Variants in FAM120B observed in about 807,000 individuals in gnomAD.
FAM120B encodes family with sequence similarity 120 member B.
FAM120B carries 83 observed loss-of-function variants against 96.3 expected under a neutral mutation model. That is an observed-to-expected ratio of 0.86 (90% CI 0.72 to 1.03). The LOEUF (loss-of-function observed/expected upper bound fraction) is 1.03, where lower values mean the gene tolerates loss of function less well. FAM120B is among the 50% of genes least tolerant of loss of function. The pLI is 0.00. For synonymous variants in FAM120B, 407 were observed against 402.7 expected (o/e 1.01, Z -0.13); for missense variants, 1,027 against 1,121.2 (o/e 0.92, Z 1.20).
At chr6:170,385,888 T>A (rs1790159599) in intron 6 of FAM120B, among the ~76,000 whole-genome samples, 1 of 152,198 alleles carries the variant, frequency 6.6e-6, no homozygotes, top group South Asian at 2.1e-4. Flanking sequence ...AAAAGCTGCC[T>A]ACTGTCTGAT....
At chr6:170,339,835 G>A (rs894716481) in intron 4 of FAM120B, among the ~76,000 whole-genome samples, 1 of 150,570 alleles carries the variant, frequency 6.6e-6, no homozygotes, top group Non-Finnish European at 1.5e-5. Context: ...TTTGCGGCTT[G>A]TAGGGTTTCT....
At chr6:170,320,937 T>C (rs1303984667) in intron 2 of FAM120B, among the ~76,000 whole-genome samples, 1 of 152,172 alleles carries the variant, frequency 6.6e-6, no homozygotes, top group Non-Finnish European at 1.5e-5. Context: ...GGACTAGACA[T>C]AGGGACTTGG....
At chr6:170,335,278 A>G (rs1407414276) in intron 4 of FAM120B, among the ~76,000 whole-genome samples, 1 of 149,138 alleles carries the variant, frequency 6.7e-6, no homozygotes, top group African/African-American at 2.5e-5. Flanking sequence ...TCATTGTTCA[A>G]CTCCCACTTA....
intron 6 of FAM120B, among the ~76,000 whole-genome samples, chr6:170,383,131 G>T (rs1271795903): frequency 6.7e-6 from 1 of 150,130 alleles, no homozygotes; most frequent in Non-Finnish European, 1.5e-5. Context: ...CCTTGTCTTT[G>T]GCCTCACACT....
chr6:170,310,463 A>C (rs996126761), intron 1 of FAM120B, among the ~76,000 whole-genome samples: 6 of 152,226 alleles, frequency 3.9e-5, no homozygotes, highest in Admixed American at 1.3e-4. Context: ...ACTAATCTAC[A>C]GCAGTGCTAA....
chr6:170,390,935 GCTTC>G, intron 7 of FAM120B, 74 bp from the exon 8 acceptor site: 2 of 1,180,922 alleles, frequency 1.7e-6, no homozygotes, highest in Non-Finnish European at 2.5e-6. Context: ...TGTCCCCTAA[GCTTC>G]CTTCCAGCCA....
intron 1 of FAM120B, among the ~76,000 whole-genome samples, chr6:170,298,712 A>G (rs939607112): frequency 1.3e-5 from 2 of 152,116 alleles, no homozygotes; most frequent in African/African-American, 4.8e-5. Context: ...TCTACTATTG[A>G]GACTGTTCTT....
chr6:170,319,089 C>G lies in FAM120B; in HGVS notation c.1699C>G (p.Gln567Glu). 1 of 1,581,054 alleles carries G rather than the reference C, an allele frequency of 6.3e-7. No individual in the cohort carries two copies. The highest frequency in any genetic ancestry group is 1.4e-5 in the African/African-American group (1 of 73,270). Reference sequence around the variant, plus strand: ...AAATGTGGGGCCTGAAGTAAAGCAACAAGTAACCATGGTTTCAGACACTGA... The same window carrying G: ...AAATGTGGGGCCTGAAGTAAAGCAAGAAGTAACCATGGTTTCAGACACTGA... Reference protein sequence around the residue: ...PTNVGPEVKQQVTMVSDTEIL... With the variant: ...PTNVGPEVKQEVTMVSDTEIL... The change falls in exon 2 of 11, where the codon CAA becomes GAA. Residue 567 changes from glutamine to glutamate, a missense_variant. Coordinates refer to ENST00000476287, the MANE Select transcript of FAM120B (RefSeq NM_032448.3).
intron 4 of FAM120B, chr6:170,330,933 A>T (rs1785987252): frequency 5.5e-6 from 1 of 182,806 alleles, no homozygotes; most frequent in Non-Finnish European, 1.1e-5. Context: ...TAGATTCTTG[A>T]TATTCTGCTT....
At chr6:170,319,179 A>G (rs1785134513) in intron 2 of FAM120B, 55 bp downstream of exon 2, 1 of 1,478,226 alleles carries the variant, frequency 6.8e-7, no homozygotes, top group Admixed American at 2.2e-5. Context: ...CCGCTGATGG[A>G]TTTGTTAGTG....
intron 6 of FAM120B, among the ~76,000 whole-genome samples, chr6:170,373,256 A>G (rs999524854): frequency 6.6e-6 from 1 of 152,104 alleles, no homozygotes; most frequent in African/African-American, 2.4e-5. Context: ...CTTAAACCCT[A>G]TTTCCAAAAT....
upstream of FAM120B, among the ~76,000 whole-genome samples, chr6:170,294,101 C>T (rs1008615720): frequency 6.6e-6 from 1 of 152,154 alleles, no homozygotes; most frequent in Admixed American, 6.5e-5. This position sits in a 1 kb window ranked among gnomAD's most constrained non-coding sequence, Gnocchi z 7.9. Context: ...TATACTCCCA[C>T]AACTAAGCAC....
chr6:170,292,778 C>T (rs1254686214), upstream of FAM120B, among the ~76,000 whole-genome samples: 2 of 152,218 alleles, frequency 1.3e-5, no homozygotes, highest in African/African-American at 4.8e-5. This position sits in a 1 kb window ranked among gnomAD's most constrained non-coding sequence, Gnocchi z 6.6. Flanking sequence ...TGTCCTGCTA[C>T]CTTGTTTCCC....
At chr6:170,385,729 A>G (rs1241812286) in intron 6 of FAM120B, among the ~76,000 whole-genome samples, 1 of 152,244 alleles carries the variant, frequency 6.6e-6, no homozygotes, top group Non-Finnish European at 1.5e-5. Context: ...GAAGCAGCCA[A>G]GATGTCCTTC....
At chr6:170,293,734 CCTT>C (rs1783936347), upstream of FAM120B, among the ~76,000 whole-genome samples, 1 of 151,506 alleles carries the variant, frequency 6.6e-6, no homozygotes, top group Non-Finnish European at 1.5e-5. Context: ...TCCTTCTCCT[CCTT>C]CTTCTCCTTC....
chr6:170,299,112 A>G (rs1360476235), intron 1 of FAM120B, among the ~76,000 whole-genome samples: 1 of 152,144 alleles, frequency 6.6e-6, no homozygotes, highest in Non-Finnish European at 1.5e-5. Context: ...TAGGATTGCT[A>G]TTTCCTCCTT....
At chr6:170,308,445 T>A (rs1784413043) in intron 1 of FAM120B, among the ~76,000 whole-genome samples, 1 of 152,152 alleles carries the variant, frequency 6.6e-6, no homozygotes, top group Admixed American at 6.5e-5. Context: ...TGTGGCCCAC[T>A]GAGAAAACTA....
At chr6:170,321,113 C>T (rs182115410) in intron 2 of FAM120B, among the ~76,000 whole-genome samples, 1 of 152,198 alleles carries the variant, frequency 6.6e-6, no homozygotes, top group East Asian at 1.9e-4. Context: ...AGTGGTGGGT[C>T]GAGAGTTGTT....
At position 170,332,893 on chromosome 6, in the gene FAM120B, A is replaced by C. The variant is rs185370065; in HGVS notation, c.2017+2343A>C. 1.1e-4 allele frequency among the ~76,000 whole-genome samples: 17 copies of C among 152,246 alleles called. No individual in the cohort carries two copies. In the East Asian group the frequency reaches 2.1e-3, roughly 19 times the overall value. ...ACATTTTCAGTGAATTTTTCAATAT[A>C]GTGGCCCATGTTCTTTCTTTTTTTT... On this transcript the variant is annotated intron_variant, in intron 4 of 10. Coordinates refer to ENST00000476287, the MANE Select transcript of FAM120B (RefSeq NM_032448.3).
Sources: allele counts gnomAD v4.1 joint callset (sites outside exome capture counted in the v4.1 genomes callset), GRCh38; gene constraint gnomAD v4.1.1; non-coding constraint Gnocchi (gnomAD v3.1); transcripts MANE v1.5; gene names NCBI Gene and HGNC (gene_info 2026-07-23, HGNC 2026-07-21).